Variants in SLCO3A1 observed in about 807,000 individuals in gnomAD.
SLCO3A1 encodes the protein PGE1 transporter.
SLCO3A1 carries 27 observed loss-of-function variants against 63.1 expected under a neutral mutation model. That is an observed-to-expected ratio of 0.43 (90% confidence interval 0.32 to 0.59). SLCO3A1 has a LOEUF of 0.59. Among genes scored for constraint, SLCO3A1 ranks in the 20% least tolerant of loss-of-function variants. SLCO3A1 has a pLI of 0.09. For missense variants in SLCO3A1, 773 were observed against 945.8 expected, an observed-to-expected ratio of 0.82 and a Z score of 2.40; for synonymous variants, 473 against 409.9, an observed-to-expected ratio of 1.15 and a Z score of -1.86.
At chr15:91,861,712 G>A (rs924308962) in intron 1 of SLCO3A1, among the ~76,000 whole-genome samples, 2 of 151,980 alleles carry the variant, frequency 1.3e-5, no homozygotes, top group Non-Finnish European at 2.9e-5. Flanking sequence ...ACAGCTTGAC[G>A]TCCCAGGCTG....
At chr15:91,910,049 G>A (rs903305821) in intron 1 of SLCO3A1, among the ~76,000 whole-genome samples, 2 of 152,164 alleles carry the variant, frequency 1.3e-5, no homozygotes, top group African/African-American at 2.4e-5. Flanking sequence ...CAAAGCCTCA[G>A]TCTGGCCTTC....
chr15:92,126,363 G>T (rs2047923393), intron 6 of SLCO3A1, 104 bp downstream of exon 6: 1 of 903,580 alleles, frequency 1.1e-6, no homozygotes, highest in Non-Finnish European at 1.8e-6. Flanking sequence ...GTGACCTGAG[G>T]AGACGCATCA....
At chr15:92,108,799 G>C (rs2047695208) in intron 4 of SLCO3A1, among the ~76,000 whole-genome samples, 1 of 152,030 alleles carries the variant, frequency 6.6e-6, no homozygotes, top group South Asian at 2.1e-4. Context: ...TTCTGGGCTG[G>C]ACTGTTTCTC....
intron 2 of SLCO3A1, among the ~76,000 whole-genome samples, chr15:92,039,389 C>T (rs1389264022): frequency 2.0e-5 from 3 of 152,120 alleles, no homozygotes. Context: ...AAAAAAGAAC[C>T]CATCAAAAAG....
At chr15:91,925,887 T>A (rs1220493656) in intron 2 of SLCO3A1, among the ~76,000 whole-genome samples, 3 of 152,198 alleles carry the variant, frequency 2.0e-5, no homozygotes, top group Non-Finnish European at 4.4e-5. Context: ...CCTAGTCACT[T>A]GAACACATAA....
chr15:92,057,729 A>C (rs1013380408), intron 2 of SLCO3A1, among the ~76,000 whole-genome samples: 2 of 152,158 alleles, frequency 1.3e-5, no homozygotes, highest in African/African-American at 4.8e-5. Context: ...TAAAAGAATC[A>C]CTGATAATCA....
chr15:92,116,179 G>A (rs1441326379), intron 4 of SLCO3A1, among the ~76,000 whole-genome samples: 1 of 152,178 alleles, frequency 6.6e-6, no homozygotes, highest in African/African-American at 2.4e-5. Flanking sequence ...GAGCATTGTG[G>A]GAGCAGATAG....
Position 92,064,571 on chromosome 15 carries a change from T to A in SLCO3A1, c.647-30310T>A, listed in dbSNP as rs1351106251. 3.9e-5 allele frequency among the ~76,000 whole-genome samples: 6 copies of A among 152,326 alleles called. No homozygotes were observed. The East Asian group carries it at 1.2e-3, about 29-fold the overall frequency. On this transcript the variant is annotated intron_variant, in intron 2 of 9. Transcript: ENST00000318445. ...TGTTTTCTTCTAGTAGTTTTATAGT[T>A]TCAAGTCTTACATTCAAACACTACT...
At chr15:91,884,468 C>G (rs1483580872) in intron 1 of SLCO3A1, among the ~76,000 whole-genome samples, 1 of 144,918 alleles carries the variant, frequency 6.9e-6, no homozygotes, top group African/African-American at 2.6e-5. Context: ...GCCGAGATCG[C>G]GTCACTGCGC....
intron 4 of SLCO3A1, among the ~76,000 whole-genome samples, chr15:92,111,917 G>C (rs1305379359): frequency 6.6e-6 from 1 of 152,226 alleles, no homozygotes; most frequent in Non-Finnish European, 1.5e-5. Context: ...GGGAACCTGT[G>C]TGCTGTTTGA....
intron 2 of SLCO3A1, among the ~76,000 whole-genome samples, chr15:92,002,630 G>A (rs1489095402): frequency 6.6e-6 from 1 of 152,122 alleles, no homozygotes; most frequent in Non-Finnish European, 1.5e-5. Flanking sequence ...TGCACACATA[G>A]TGGATTAAGA....
chr15:91,884,426 G>A (rs968838572), intron 1 of SLCO3A1, among the ~76,000 whole-genome samples: 2 of 150,434 alleles, frequency 1.3e-5, no homozygotes, highest in African/African-American at 2.4e-5. Context: ...CAGGAGAATC[G>A]CTTGAACCTG....
At chr15:92,007,638 C>T (rs964268592) in intron 2 of SLCO3A1, among the ~76,000 whole-genome samples, 1 of 152,088 alleles carries the variant, frequency 6.6e-6, no homozygotes. Context: ...AAGAACCTCT[C>T]GCAGATTTTT....
chr15:91,993,589 C>A (rs182039664), intron 2 of SLCO3A1, among the ~76,000 whole-genome samples: 1 of 152,172 alleles, frequency 6.6e-6, no homozygotes, highest in Admixed American at 6.5e-5. Flanking sequence ...ATTCCAGACA[C>A]TTAGAATGCA....
At chr15:92,126,662 C>T (rs35866115) in intron 6 of SLCO3A1, among the ~76,000 whole-genome samples, 7,014 of 152,254 alleles carry the variant, frequency 0.046, 179 homozygotes, top group East Asian at 0.096. Context: ...ATGGCAATTA[C>T]AGGATCTGGC....
intron 2 of SLCO3A1, among the ~76,000 whole-genome samples, chr15:91,944,361 C>T (rs1230943041): frequency 2.6e-5 from 4 of 152,096 alleles, no homozygotes; most frequent in Non-Finnish European, 5.9e-5. Flanking sequence ...CAGACATGGC[C>T]AAGGGGAGAA....
intron 1 of SLCO3A1, among the ~76,000 whole-genome samples, chr15:91,877,053 T>C (rs1318872092): frequency 6.6e-6 from 1 of 152,238 alleles, no homozygotes; most frequent in Non-Finnish European, 1.5e-5. Flanking sequence ...CAGAACACTT[T>C]CCTGAAGTCA....
At chr15:91,866,194 T>G (rs1275210319) in intron 1 of SLCO3A1, among the ~76,000 whole-genome samples, 1 of 152,206 alleles carries the variant, frequency 6.6e-6, no homozygotes, top group African/African-American at 2.4e-5. Flanking sequence ...GATAGTCATG[T>G]CATTTGATTA....
At chr15:91,990,169 G>A (rs934459853) in intron 2 of SLCO3A1, among the ~76,000 whole-genome samples, 1 of 152,192 alleles carries the variant, frequency 6.6e-6, no homozygotes, top group African/African-American at 2.4e-5. Context: ...TCACTGAATA[G>A]TGGGACTATT....
Sources: allele counts gnomAD v4.1 joint callset (sites outside exome capture counted in the v4.1 genomes callset), GRCh38; gene constraint gnomAD v4.1.1; transcripts MANE v1.5; gene names NCBI Gene and HGNC (gene_info 2026-07-23, HGNC 2026-07-21).